The following RC3H1 variants were observed in gnomAD, a reference collection of about 807,000 sequenced individuals.
RC3H1 encodes ring finger and CCCH-type domains 1.
Under a neutral mutation model 138.2 loss-of-function variants are expected in RC3H1, and 50 were observed. The ratio of observed to expected loss-of-function variants is 0.36; its 90% CI spans 0.29 to 0.46. RC3H1 has a LOEUF of 0.46. Ranked by LOEUF, RC3H1 falls within the 20% of genes least tolerant of loss-of-function variation. The pLI is 1.00. For synonymous variants in RC3H1, 462 were observed against 489.1 expected (o/e 0.94, Z 0.73); for missense variants, 1,031 against 1,388.1 (o/e 0.74, Z 4.09).
intron 13 of RC3H1, among the ~76,000 whole-genome samples, chr1:173,953,242 G>C (rs1659495169): frequency 1.3e-5 from 2 of 151,906 alleles, no homozygotes; most frequent in Admixed American, 1.3e-4. Context: ...AGATAGAACA[G>C]CCAACTTTTA....
chr1:173,938,853 T>C lies in RC3H1; in HGVS notation c.3270A>G (p.Ser1090=), dbSNP rs1658707241. The change falls in exon 20 of 20, where the codon TCA becomes TCG. Residue 1090 remains serine (S), a synonymous_variant. Coordinates refer to ENST00000367696, the MANE Select transcript of RC3H1 (RefSeq NM_172071.4). ...GGCTGATATTCTCTTGTGTCAAGGC[T>C]GATCCATTTGGTACATCACTGCTGA... ...TLTFSDVPNG[S]ALTQENISLL... The C allele has an allele frequency of 6.8e-6, 11 of 1,611,182 alleles. No individual in the cohort carries two copies. The highest frequency in any genetic ancestry group is 9.3e-6 in the Non-Finnish European group (11 of 1,178,504).
At chr1:173,941,586 A>C in intron 18 of RC3H1, 2 of 449,690 alleles carry the variant, frequency 4.4e-6, no homozygotes. Flanking sequence ...GCTGGACAAT[A>C]AGACAGACAA....
intron 1 of RC3H1, chr1:174,009,140 T>C (rs1012278198): frequency 1.3e-5 from 2 of 152,164 alleles, no homozygotes; most frequent in African/African-American, 4.8e-5. Context: ...CTTAGGTTTG[T>C]ATAGTGTGCA....
At chr1:173,956,834 C>G (rs12072905) in intron 13 of RC3H1, among the ~76,000 whole-genome samples, 43,784 of 151,670 alleles carry the variant, frequency 0.29, 11,277 homozygotes, top group African/African-American at 0.7. Context: ...ATGAGATTTT[C>G]GAGAAACTTC....
chr1:173,998,242 T>C (rs1439148292), intron 1 of RC3H1, among the ~76,000 whole-genome samples: 1 of 152,128 alleles, frequency 6.6e-6, no homozygotes, highest in South Asian at 2.1e-4. Context: ...CCAAATCTAG[T>C]TCATTAGGAG....
chr1:173,964,132 G>GTA lies in RC3H1; in HGVS notation c.1670_1671dup (p.Pro558TyrfsTer95). 1 of 1,614,098 alleles carries GTA rather than the reference G, an allele frequency of 6.2e-7. No individual in the cohort carries two copies. The highest frequency in any genetic ancestry group is 8.5e-7 in the Non-Finnish European group (1 of 1,180,000). ...GGCAGATCTGCTGGCCCCCTTGGAG[G>GTA]TATAGAATGTGGATTCACAGGTAAG... On this transcript the variant is annotated frameshift_variant, in exon 11 of 20. Coordinates refer to ENST00000367696, the MANE Select transcript of RC3H1 (RefSeq NM_172071.4). LOFTEE classifies it high-confidence loss of function.
intron 2 of RC3H1, among the ~76,000 whole-genome samples, chr1:173,986,470 A>C (rs1661036792): frequency 6.6e-6 from 1 of 152,080 alleles, no homozygotes; most frequent in Non-Finnish European, 1.5e-5. Flanking sequence ...GTAGAGATGG[A>C]GGTCCCACTA....
chr1:173,989,882 G>A (rs1250381658), intron 2 of RC3H1, among the ~76,000 whole-genome samples: 7 of 149,244 alleles, frequency 4.7e-5, no homozygotes, highest in African/African-American at 7.3e-5. Flanking sequence ...GCCCGCCACC[G>A]CGCCCGGCTA....
intron 13 of RC3H1, among the ~76,000 whole-genome samples, chr1:173,959,400 A>G (rs1399932200): frequency 6.6e-6 from 1 of 152,254 alleles, no homozygotes; most frequent in African/African-American, 2.4e-5. Flanking sequence ...CGCGCAAGAC[A>G]CTGAAGTATG....
chr1:174,008,227 T>C (rs1400271763), intron 1 of RC3H1, among the ~76,000 whole-genome samples: 3 of 152,254 alleles, frequency 2.0e-5, no homozygotes, highest in Non-Finnish European at 2.9e-5. Flanking sequence ...TATTTAATAA[T>C]AGCAATAACA....
intron 7 of RC3H1, among the ~76,000 whole-genome samples, chr1:173,976,353 G>A (rs1383578830): frequency 1.3e-5 from 2 of 151,828 alleles, no homozygotes; most frequent in Admixed American, 1.3e-4. Flanking sequence ...TGTAATCCTA[G>A]CTACTCGGGA....
At chr1:173,999,967 T>C (rs1170589384) in intron 1 of RC3H1, among the ~76,000 whole-genome samples, 1 of 152,192 alleles carries the variant, frequency 6.6e-6, no homozygotes, top group African/African-American at 2.4e-5. Flanking sequence ...ACTCTATAAT[T>C]TGTGCCACCA....
chr1:173,946,348 T>C lies in RC3H1; in HGVS notation c.2961+128A>G, dbSNP rs1046333027. The C allele has an allele frequency of 2.5e-5, 18 of 712,554 alleles. No individual in the cohort carries two copies. The Middle Eastern group carries it at 7.7e-4, about 30-fold the overall frequency. 44.1% of individuals were successfully genotyped at this position (712,554 alleles called of 1,614,324 possible). A position where few individuals can be genotyped will look rare whatever the true frequency, so the allele number is the denominator to read the frequency against. On this transcript the variant is annotated intron_variant, in intron 17 of 19. Coordinates refer to ENST00000367696, the MANE Select transcript of RC3H1 (RefSeq NM_172071.4). ...ATCCAGTATTGAATTCTTTGAAGAA[T>C]AGAAACCTATACTAACTCCTAAGAA...
Position 173,934,900 on chromosome 1 carries a change from T to C in RC3H1, c.*3821A>G, listed in dbSNP as rs1176629163. On this transcript the variant is annotated 3_prime_UTR_variant, in exon 20 of 20. Transcript: ENST00000367696. ...AACTCTGGAAAGTCTGATGGAGTTATATACTCAAAGTAGCAAATGAGAATC... is the reference window on the plus strand; with the variant it reads ...AACTCTGGAAAGTCTGATGGAGTTACATACTCAAAGTAGCAAATGAGAATC... The C allele has an allele frequency of 5.4e-4, 82 of 152,180 alleles. No individual in the cohort carries two copies. Among genetic ancestry groups the C allele is most frequent in the Non-Finnish European group, 2.9e-5 (2 of 68,030 alleles). 9.4% of individuals were successfully genotyped at this position (152,180 alleles called of 1,614,324 possible). A position where few individuals can be genotyped will look rare whatever the true frequency, so the allele number is the denominator to read the frequency against.
At chr1:173,944,846 A>T (rs1659065689) in intron 17 of RC3H1, among the ~76,000 whole-genome samples, 1 of 152,228 alleles carries the variant, frequency 6.6e-6, no homozygotes, top group Non-Finnish European at 1.5e-5. Flanking sequence ...TTCCAAAAAC[A>T]ATCTCCTACT....
rs777308350 is a variant in RC3H1, at chr1:173,933,305, A to G, written c.*5416T>C. 2 of 152,096 alleles carry G rather than the reference A, an allele frequency of 1.3e-5. No individual in the cohort carries two copies. The highest frequency in any genetic ancestry group is 4.8e-5 in the African/African-American group (2 of 41,428). 9.4% of individuals were successfully genotyped at this position (152,096 alleles called of 1,614,324 possible). On this transcript the variant is annotated 3_prime_UTR_variant, in exon 20 of 20. Transcript: ENST00000367696. ...TGGTGAGGTAAGTCCCTTTATTACA[A>G]TAAGATTTCAAAGGGCTCTTTACCC...
intron 1 of RC3H1, among the ~76,000 whole-genome samples, chr1:174,006,108 G>A (rs184720704): frequency 1.3e-5 from 2 of 152,276 alleles, no homozygotes; most frequent in Non-Finnish European, 2.9e-5. Context: ...TTGGGAGGCT[G>A]AGGCAGGAGA....
intron 1 of RC3H1, among the ~76,000 whole-genome samples, chr1:174,007,662 T>C (rs1424895380): frequency 6.6e-6 from 1 of 152,126 alleles, no homozygotes; most frequent in Non-Finnish European, 1.5e-5. Context: ...TGGGCTATAT[T>C]GCCCAGGCTG....
rs1382094863 is a variant in RC3H1 at position 173,982,832 on chromosome 1, T to C, written c.663A>G (p.Val221=). 6.2e-7 allele frequency: 1 copy of C among 1,613,906 alleles called. No homozygotes were observed. The highest frequency in any genetic ancestry group is 8.5e-7 in the Non-Finnish European group (1 of 1,179,908). Residue 221 remains valine, a synonymous_variant, in exon 5 of 20, where the codon GTA becomes GTG. Coordinates refer to ENST00000367696, the MANE Select transcript of RC3H1 (RefSeq NM_172071.4). ...ATCTTTGCACCACAAACAGAACCAATACTTTTCTTGACAAAGCAGAACCAT... is the reference window on the plus strand; with the variant it reads ...ATCTTTGCACCACAAACAGAACCAACACTTTTCTTGACAAAGCAGAACCAT... ...LEDGSALSRK[V]LVLFVVQRLE...
Sources: gnomAD v4.1 joint callset for allele counts (sites outside exome capture counted in the v4.1 genomes callset) on GRCh38, gnomAD v4.1.1 for gene constraint, MANE v1.5 for transcripts, NCBI Gene and HGNC (gene_info 2026-07-23, HGNC 2026-07-21) for gene names.